The following MYOZ2 variants were observed in gnomAD, a reference collection of about 807,000 sequenced individuals.
MYOZ2 encodes the protein myozenin-2.
MYOZ2 carries 19 observed loss-of-function variants against 25.4 expected under a neutral mutation model. The ratio of observed to expected loss-of-function variants is 0.75; its 90% CI spans 0.52 to 1.10. The LOEUF (loss-of-function observed/expected upper bound fraction) is 1.10. Among genes scored for constraint, MYOZ2 ranks in the 50% least tolerant of loss-of-function variants. The pLI, the probability that MYOZ2 is intolerant of heterozygous loss-of-function variation, is 0.00. For missense variants in MYOZ2, 270 were observed against 317.9 expected, an observed-to-expected ratio of 0.85 and a Z score of 1.15; for synonymous variants, 92 against 106.9, an observed-to-expected ratio of 0.86 and a Z score of 0.86.
At chr4:119,168,702 A>G (rs1387005503) in intron 5 of MYOZ2, among the ~76,000 whole-genome samples, 1 of 152,078 alleles carries the variant, frequency 6.6e-6, no homozygotes, top group African/African-American at 2.4e-5. Flanking sequence ...CAACAACAAC[A>G]ACAACAACAA....
chr4:119,147,141 T>C (rs1276558377), intron 2 of MYOZ2, among the ~76,000 whole-genome samples: 1 of 152,218 alleles, frequency 6.6e-6, no homozygotes, highest in African/African-American at 2.4e-5. Flanking sequence ...CAAACCATAG[T>C]TGGTTCACCT....
At chr4:119,174,963 G>C (rs1476718828) in intron 5 of MYOZ2, among the ~76,000 whole-genome samples, 1 of 152,018 alleles carries the variant, frequency 6.6e-6, no homozygotes, top group Non-Finnish European at 1.5e-5. Context: ...TCACCGTGAA[G>C]GTCTGCAGCT....
At chr4:119,157,064 C>T (rs550951299) in intron 3 of MYOZ2, among the ~76,000 whole-genome samples, 1 of 152,178 alleles carries the variant, frequency 6.6e-6, no homozygotes, top group Non-Finnish European at 1.5e-5. Context: ...AGGTATATTT[C>T]ATCACAGAAT....
intron 4 of MYOZ2, among the ~76,000 whole-genome samples, chr4:119,162,572 C>A (rs2149224710): frequency 6.6e-6 from 1 of 152,328 alleles, no homozygotes; most frequent in African/African-American, 2.4e-5. Context: ...TGTTTGTAGA[C>A]CACCTGCATA....
intron 5 of MYOZ2, among the ~76,000 whole-genome samples, chr4:119,173,365 C>T (rs1160361135): frequency 6.6e-6 from 1 of 152,160 alleles, no homozygotes; most frequent in East Asian, 1.9e-4. Flanking sequence ...TTAAATCTTT[C>T]ATTGGAAACG....
At chr4:119,139,854 C>CT (rs1039087026) in intron 2 of MYOZ2, among the ~76,000 whole-genome samples, 1 of 152,008 alleles carries the variant, frequency 6.6e-6, no homozygotes, top group Admixed American at 6.6e-5. Context: ...TCCAGGAGGG[C>CT]TTTTTTTGGT....
chr4:119,142,314 T>C (rs1192175992), intron 2 of MYOZ2, among the ~76,000 whole-genome samples: 5 of 152,198 alleles, frequency 3.3e-5, no homozygotes, highest in Non-Finnish European at 7.4e-5. Context: ...ACGTCTCTTC[T>C]ATCTTTTATA....
At chr4:119,148,710 T>C (rs1220468125) in intron 2 of MYOZ2, among the ~76,000 whole-genome samples, 3 of 151,060 alleles carry the variant, frequency 2.0e-5, no homozygotes, top group Admixed American at 2.0e-4. Context: ...TTATATCTTT[T>C]ATTTCTCGAC....
chr4:119,160,866 G>C (rs1279145722), intron 4 of MYOZ2, among the ~76,000 whole-genome samples: 2 of 151,778 alleles, frequency 1.3e-5, no homozygotes, highest in East Asian at 3.9e-4. Flanking sequence ...CTTTGTGTTG[G>C]AAGTATTCAA....
chr4:119,151,003 T>C lies in MYOZ2; in HGVS notation c.208T>C (p.Phe70Leu). ...TCAAAGAAGATCTGACAAATACACA[T>C]TTGAAAATTTCCAGTATCAATCTAG... ...MRQRRSDKYT[F>L]ENFQYQSRAQ... The change falls in exon 3 of 6, where the codon TTT becomes CTT. Residue 70 changes from phenylalanine (F) to leucine (L), a missense_variant. By Grantham distance (22) the Phe-to-Leu change is conservative. Coordinates refer to ENST00000307128, the MANE Select transcript of MYOZ2 (RefSeq NM_016599.5). 6.2e-7 allele frequency: 1 copy of C among 1,613,540 alleles called. No individual in the cohort carries two copies. Among genetic ancestry groups the C allele is most frequent in the Non-Finnish European group, 8.5e-7 (1 of 1,179,520 alleles).
At position 119,164,401 on chromosome 4, in the gene MYOZ2, C is replaced by T; in HGVS notation, c.560+7C>T. The T allele has an allele frequency of 1.2e-6, 2 of 1,613,862 alleles. No individual in the cohort carries two copies. Among genetic ancestry groups the T allele is most frequent in the Middle Eastern group, 1.7e-4 (1 of 6,060 alleles). On this transcript the variant is annotated splice_region_variant and intron_variant, in intron 5 of 5. Transcript: ENST00000307128. ...ATTACAGGAGCTTTAACAGGTAATT[C>T]AATGGTCCTGGGTGACACTGTTGGC...
chr4:119,173,883 G>C (rs1054206702), intron 5 of MYOZ2, among the ~76,000 whole-genome samples: 2 of 152,340 alleles, frequency 1.3e-5, no homozygotes, highest in Middle Eastern at 6.8e-3. Flanking sequence ...ACTCGGAGCA[G>C]CCAGCCAGCC....
At chr4:119,139,645 A>G (rs886690470) in intron 2 of MYOZ2, among the ~76,000 whole-genome samples, 1 of 152,228 alleles carries the variant, frequency 6.6e-6, no homozygotes, top group Admixed American at 6.5e-5. Context: ...GAGGCACTCT[A>G]GAGAAACTGG....
chr4:119,176,399 T>C (rs1390546533), intron 5 of MYOZ2, among the ~76,000 whole-genome samples: 3 of 152,078 alleles, frequency 2.0e-5, no homozygotes, highest in Non-Finnish European at 4.4e-5. Flanking sequence ...TTTTTTGTAT[T>C]TTTAGTAGAG....
intron 5 of MYOZ2, among the ~76,000 whole-genome samples, chr4:119,167,027 G>A (rs1467227233): frequency 1.3e-5 from 2 of 152,130 alleles, no homozygotes; most frequent in African/African-American, 4.8e-5. Context: ...GCCTCTAAGT[G>A]TTCAAGTGAA....
At chr4:119,138,366 C>T (rs571042938) in intron 2 of MYOZ2, among the ~76,000 whole-genome samples, 7 of 152,232 alleles carry the variant, frequency 4.6e-5, no homozygotes, top group Admixed American at 2.0e-4. Flanking sequence ...TTTATGAAAC[C>T]GCTCAAATAT....
chr4:119,186,289 C>A lies in MYOZ2; in HGVS notation c.*89C>A. 1 of 987,124 alleles carries A rather than the reference C, an allele frequency of 1.0e-6. No homozygotes were observed. The allele number at this position is 987,124 out of a possible 1,614,324, so 61.1% of individuals were successfully genotyped here. A position where few individuals can be genotyped will look rare whatever the true frequency, so the allele number is the denominator to read the frequency against. On this transcript the variant is annotated 3_prime_UTR_variant, in exon 6 of 6. Transcript: ENST00000307128. Reference sequence around the variant, plus strand: ...TACTGGCAAAGCCACTTGCATTTTTCATTAGTAGCAACAATAGCAATTTAG... The same window carrying A: ...TACTGGCAAAGCCACTTGCATTTTTAATTAGTAGCAACAATAGCAATTTAG...
At chr4:119,150,830 G>A (rs780105078) in intron 2 of MYOZ2, 42 bp from the exon 3 acceptor site, 1 of 1,575,404 alleles carries the variant, frequency 6.3e-7, no homozygotes, top group South Asian at 1.1e-5. Context: ...CATTAAAAAT[G>A]CTTACCTTGG....
intron 5 of MYOZ2, among the ~76,000 whole-genome samples, chr4:119,185,320 T>A (rs1402132279): frequency 6.6e-6 from 1 of 150,956 alleles, no homozygotes; most frequent in Non-Finnish European, 1.5e-5. Context: ...GGGAATATCT[T>A]TTTTTTTTCT....
Sources: gnomAD v4.1 joint callset for allele counts (sites outside exome capture counted in the v4.1 genomes callset) on GRCh38, gnomAD v4.1.1 for gene constraint, MANE v1.5 for transcripts, NCBI Gene and HGNC (gene_info 2026-07-23, HGNC 2026-07-21) for gene names.